DIP2C: variants seen among roughly 807,000 people sequenced by gnomAD.
DIP2C encodes DIP2 acetate--CoA ligase C (putative), also known as disco-interacting protein 2 homolog C.
A neutral mutation model predicts 192.4 loss-of-function variants in DIP2C; 33 were observed. That is an observed-to-expected ratio of 0.17 (90% CI 0.13 to 0.23). The LOEUF is 0.23. Ranked by LOEUF, DIP2C falls within the 10% of genes least tolerant of loss-of-function variation. DIP2C has a pLI of 1.00. For missense variants in DIP2C, 1,537 were observed against 2,110.1 expected, an observed-to-expected ratio of 0.73 and a Z score of 5.32; for synonymous variants, 979 against 864.1, an observed-to-expected ratio of 1.13 and a Z score of -2.33.
chr10:508,424 G>T lies in DIP2C; in HGVS notation c.86-21894C>A, dbSNP rs191572347. On this transcript the variant is annotated intron_variant, in intron 1 of 36. Transcript: ENST00000280886. ...TCCTCGATTTCCTGGTAGGCAAAAG[G>T]GGGTTAATTCTAACAGTGCTTACCT... 2.2e-3 allele frequency among the ~76,000 whole-genome samples: 334 copies of T among 152,302 alleles called. 1 individual carries two copies. Among genetic ancestry groups the T allele is most frequent in the African/African-American group, 7.4e-3 (309 of 41,556 alleles).
intron 1 of DIP2C, among the ~76,000 whole-genome samples, chr10:565,909 T>C (rs117471763): frequency 0.011 from 1,739 of 152,286 alleles, 16 homozygotes; most frequent in Non-Finnish European, 0.015. Context: ...GGCAGGGCCA[T>C]GTGGGCTCCC....
intron 2 of DIP2C, among the ~76,000 whole-genome samples, chr10:477,836 G>T (rs1366603702): frequency 7.5e-6 from 1 of 133,528 alleles, no homozygotes; most frequent in Non-Finnish European, 1.6e-5. Context: ...AAGGAGAAGG[G>T]AGAAAGAAAA....
intron 2 of DIP2C, among the ~76,000 whole-genome samples, chr10:482,527 G>T (rs1272270280): frequency 1.3e-5 from 2 of 152,188 alleles, no homozygotes; most frequent in Non-Finnish European, 2.9e-5. Context: ...TTGCACCTGG[G>T]CATCAAGCTG....
intron 1 of DIP2C, among the ~76,000 whole-genome samples, chr10:540,545 T>C (rs1272335774): frequency 6.6e-6 from 1 of 152,236 alleles, no homozygotes; most frequent in Non-Finnish European, 1.5e-5. Context: ...AAGCAATCTG[T>C]AGTGCTTACC....
At chr10:426,363 A>G (rs1966600370) in intron 4 of DIP2C, among the ~76,000 whole-genome samples, 1 of 152,226 alleles carries the variant, frequency 6.6e-6, no homozygotes, top group Non-Finnish European at 1.5e-5. Context: ...TGGAAACTAA[A>G]TAAATGGAGA....
chr10:449,245 A>G (rs1401671514), intron 3 of DIP2C, among the ~76,000 whole-genome samples: 1 of 152,172 alleles, frequency 6.6e-6, no homozygotes, highest in East Asian at 1.9e-4. Context: ...GGCATCCTTT[A>G]CCACTTAAGG....
chr10:345,191 C>G, intron 26 of DIP2C, 81 bp from the exon 27 acceptor site: 1 of 1,272,456 alleles, frequency 7.9e-7, no homozygotes, highest in Non-Finnish European at 1.1e-6. Flanking sequence ...CTCCTGCTTA[C>G]TACATACACT....
chr10:627,477 G>A (rs193176714), intron 1 of DIP2C, among the ~76,000 whole-genome samples: 8 of 152,318 alleles, frequency 5.3e-5, no homozygotes, highest in African/African-American at 9.6e-5. Flanking sequence ...GCAACCTCGC[G>A]ACATCCAGCC....
rs748682540 is a variant in DIP2C at position 422,976 on chromosome 10, G to A, written c.452C>T (p.Pro151Leu). The A allele has an allele frequency of 6.2e-6, 10 of 1,614,140 alleles. No individual in the cohort carries two copies. The highest frequency in any genetic ancestry group is 5.1e-6 in the Non-Finnish European group (6 of 1,180,012). ...GSVQGDSQGT[P>L]TSSQGSINME... ...ATTGATGCTGCCCTGGCTGGAGGTG[G>A]GGGTGCCCTGGGAGTCCCCCTGCAC... Residue 151 changes from proline to leucine, a missense_variant, in exon 5 of 37, where the codon CCC becomes CTC. By Grantham distance (98) the Pro-to-Leu change is moderately conservative. Transcript: ENST00000280886.
rs572445858 is a variant in DIP2C, at chr10:292,396, C to T, written c.3987-3975G>A. Among the ~76,000 whole-genome samples the T allele has an allele frequency of 4.8e-4, 73 of 152,312 alleles. 2 individuals carry two copies. Among genetic ancestry groups the T allele is most frequent in the African/African-American group, 1.7e-3 (69 of 41,560 alleles). ...CAGTCCAGTATAAATCTTGGACTTG[C>T]GGGGAATAAACTGTCTTTTCATCCT... On this transcript the variant is annotated intron_variant, in intron 32 of 36. Transcript: ENST00000280886.
chr10:554,275 G>A (rs188793788), intron 1 of DIP2C, among the ~76,000 whole-genome samples: 4 of 152,154 alleles, frequency 2.6e-5, no homozygotes, highest in African/African-American at 9.7e-5. Flanking sequence ...GCTTGTAACT[G>A]TAAGAGTGGT....
At chr10:453,248 A>G (rs7096559) in intron 3 of DIP2C, among the ~76,000 whole-genome samples, 53,864 of 152,110 alleles carry the variant, frequency 0.35, 11,007 homozygotes, top group Non-Finnish European at 0.47. Flanking sequence ...TGCCCTGAAT[A>G]CAGTTTTACC....
chr10:543,770 T>C (rs1249081827), intron 1 of DIP2C, among the ~76,000 whole-genome samples: 1 of 152,252 alleles, frequency 6.6e-6, no homozygotes, highest in Non-Finnish European at 1.5e-5. Context: ...TTACAAACCA[T>C]AAAATCCCCC....
At chr10:552,339 C>T (rs17159658) in intron 1 of DIP2C, among the ~76,000 whole-genome samples, 7,210 of 152,266 alleles carry the variant, frequency 0.047, 224 homozygotes, top group East Asian at 0.14. Context: ...CGGTCTATTT[C>T]AGGAACGGTG....
At chr10:392,393 G>A (rs1963538288) in intron 10 of DIP2C, among the ~76,000 whole-genome samples, 1 of 152,154 alleles carries the variant, frequency 6.6e-6, no homozygotes, top group South Asian at 2.1e-4. Flanking sequence ...ACCCTGCCCT[G>A]GTAGTGTCCG....
chr10:490,890 A>T (rs990719307), intron 1 of DIP2C, among the ~76,000 whole-genome samples: 3 of 152,230 alleles, frequency 2.0e-5, no homozygotes, highest in Non-Finnish European at 4.4e-5. Context: ...CCAGTGAGGC[A>T]AAGTCACCAG....
intron 1 of DIP2C, among the ~76,000 whole-genome samples, chr10:575,817 G>C (rs1014995106): frequency 8.5e-5 from 13 of 152,208 alleles, no homozygotes; most frequent in African/African-American, 2.9e-4. Flanking sequence ...GAAGCGCAAG[G>C]AGCCAAAGAA....
At chr10:523,732 G>A (rs1846876477) in intron 1 of DIP2C, among the ~76,000 whole-genome samples, 2 of 151,030 alleles carry the variant, frequency 1.3e-5, no homozygotes, top group Admixed American at 1.3e-4. Context: ...AAAGGACCCT[G>A]GAGTGAAGAT....
intron 17 of DIP2C, among the ~76,000 whole-genome samples, chr10:372,785 G>A (rs927917758): frequency 4.6e-5 from 7 of 152,022 alleles, no homozygotes; most frequent in East Asian, 1.9e-4. Flanking sequence ...ACAGAAGCGC[G>A]GGAGCTCCCG....
Sources: gnomAD v4.1 joint callset for allele counts (sites outside exome capture counted in the v4.1 genomes callset) on GRCh38, gnomAD v4.1.1 for gene constraint, MANE v1.5 for transcripts, NCBI Gene and HGNC (gene_info 2026-07-23, HGNC 2026-07-21) for gene names.